Variants in NCOR2 observed in about 807,000 individuals in gnomAD.
The protein encoded by NCOR2 is nuclear receptor corepressor 2, also known as CTG repeat protein 26.
Under a neutral mutation model 262.9 loss-of-function variants are expected in NCOR2, and 81 were observed. The ratio of observed to expected loss-of-function variants is 0.31; its 90% CI spans 0.26 to 0.37. The LOEUF (loss-of-function observed/expected upper bound fraction) is 0.37, where lower values mean the gene tolerates loss of function less well. Among genes scored for constraint, NCOR2 ranks in the 10% least tolerant of loss-of-function variants. The pLI, the probability that NCOR2 is intolerant of heterozygous loss-of-function variation, is 1.00. For synonymous variants in NCOR2, 1,659 were observed against 1,559.3 expected, an observed-to-expected ratio of 1.06 and a Z score of -1.51; for missense variants, 3,385 against 3,621.4, an observed-to-expected ratio of 0.93 and a Z score of 1.68.
intron 1 of NCOR2, among the ~76,000 whole-genome samples, chr12:124,555,235 C>G (rs2051844493): frequency 6.6e-6 from 1 of 152,202 alleles, no homozygotes; most frequent in East Asian, 1.9e-4. Flanking sequence ...CCTACCAGCT[C>G]AGGGCCCTCT....
Position 124,523,577 on chromosome 12 carries a change from A to G in NCOR2, c.-118+11988T>C, listed in dbSNP as rs1395992563. The stretch of plus-strand genomic sequence containing the variant: ...TCCAGTCTTTTGGCTTCACTGGGCC[A>G]CACTAAAAGAACTGTCTCGGATCAC... On this transcript the variant is annotated intron_variant, in intron 1 of 46. Transcript: ENST00000404621. The surrounding 1 kb of genome is among the most constrained non-coding windows in gnomAD (Gnocchi z 4.0). Among the ~76,000 whole-genome samples, 1 of 151,816 alleles carries G rather than the reference A, an allele frequency of 6.6e-6. No individual in the cohort carries two copies. Among genetic ancestry groups the G allele is most frequent in the Non-Finnish European group, 1.5e-5 (1 of 67,972 alleles).
chr12:124,426,323 T>A (rs181339424), intron 11 of NCOR2, among the ~76,000 whole-genome samples: 1 of 152,328 alleles, frequency 6.6e-6, no homozygotes, highest in East Asian at 1.9e-4. Context: ...AAAGGTCATG[T>A]GGGGTCGAAG....
chr12:124,337,820 C>T (rs971756648), intron 37 of NCOR2, among the ~76,000 whole-genome samples: 4 of 152,194 alleles, frequency 2.6e-5, no homozygotes, highest in South Asian at 2.1e-4. Flanking sequence ...GAACAGGAGC[C>T]GGCTGCTCCA....
intron 22 of NCOR2, among the ~76,000 whole-genome samples, chr12:124,360,168 G>A (rs2038427712): frequency 6.6e-6 from 1 of 152,232 alleles, no homozygotes; most frequent in Non-Finnish European, 1.5e-5. Flanking sequence ...TGGGGCCCCT[G>A]ACATGGATAC....
intron 16 of NCOR2, among the ~76,000 whole-genome samples, chr12:124,395,966 T>C (rs1182767214): frequency 7.2e-5 from 11 of 152,140 alleles, no homozygotes; most frequent in Non-Finnish European, 1.6e-4. Context: ...CCCCAAGAGA[T>C]GAACGACCGA....
At chr12:124,433,030 C>A (rs1443745320) in intron 8 of NCOR2, among the ~76,000 whole-genome samples, 1 of 152,148 alleles carries the variant, frequency 6.6e-6, no homozygotes, top group East Asian at 1.9e-4. Flanking sequence ...GGTCCTGGAG[C>A]CCAGACACCT....
Position 124,428,086 on chromosome 12 carries a change from T to TGTGTGTGTGTGTGTGTGTGTGC in NCOR2, c.1150-1287_1150-1286insGCACACACACACACACACACAC, listed in dbSNP as rs958627720. Among the ~76,000 whole-genome samples the TGTGTGTGTGTGTGTGTGTGTGC allele has an allele frequency of 3.8e-3, 557 of 147,154 alleles. 20 individuals are homozygous for TGTGTGTGTGTGTGTGTGTGTGC. Among genetic ancestry groups the TGTGTGTGTGTGTGTGTGTGTGC allele is most frequent in the Non-Finnish European group, 6.0e-3 (400 of 66,306 alleles). On this transcript the variant is annotated intron_variant, in intron 10 of 46. Coordinates refer to ENST00000405201, the Ensembl canonical transcript of NCOR2. The stretch of plus-strand genomic sequence containing the variant: ...GTGTGTGTGTGTGTGTGTGTGTGTG[T>TGTGTGTGTGTGTGTGTGTGTGC]GTACATGCAACAATCAGCCCAGGTG...
At chr12:124,563,918 G>A (rs1490395066) in intron 1 of NCOR2, among the ~76,000 whole-genome samples, 2 of 152,222 alleles carry the variant, frequency 1.3e-5, no homozygotes, top group Non-Finnish European at 2.9e-5. Flanking sequence ...ACACGACCGT[G>A]AATAATCCCA....
chr12:124,457,115 C>G lies in NCOR2; in HGVS notation c.753G>C (p.Gln251His). 1 of 1,529,674 alleles carries G rather than the reference C, an allele frequency of 6.5e-7. No homozygotes were observed. Among genetic ancestry groups the G allele is most frequent in the African/African-American group, 1.5e-5 (1 of 68,344 alleles). The allele number at this position is 1,529,674 out of a possible 1,614,324, so 94.8% of individuals were successfully genotyped here. ...CTGTACCCCAGCTCACCAGCTCCACCTGGGGCCCCAGGCCTTCCAGAATCC... is the reference window on the plus strand; with the variant it reads ...CTGTACCCCAGCTCACCAGCTCCACGTGGGGCCCCAGGCCTTCCAGAATCC... Residue 251 changes from glutamine (Q) to histidine (H), a missense_variant, in exon 6 of 47, where the codon CAG becomes CAC. Transcript: ENST00000405201. This position sits in a 1 kb window ranked among gnomAD's most constrained non-coding sequence, Gnocchi z 4.0.
intron 16 of NCOR2, among the ~76,000 whole-genome samples, chr12:124,391,788 A>C (rs1176684587): frequency 6.6e-6 from 1 of 152,268 alleles, no homozygotes; most frequent in Non-Finnish European, 1.5e-5. Context: ...CTCTCAAAAA[A>C]ACCCAGACTC....
chr12:124,325,392 C>CCCGG, exon 47 of NCOR2: 3 of 1,152,258 alleles, frequency 2.6e-6, no homozygotes, highest in Non-Finnish European at 2.2e-6. Context: ...CCCCCCCGCC[C>CCCGG]TGTTCTGAGT....
intron 20 of NCOR2, among the ~76,000 whole-genome samples, chr12:124,368,475 G>A (rs2039215815): frequency 6.6e-6 from 1 of 152,124 alleles, no homozygotes; most frequent in Non-Finnish European, 1.5e-5. Context: ...GCCTCTCCAA[G>A]GCCCCAAGAT....
chr12:124,355,660 CTG>C, intron 23 of NCOR2, 89 bp from the exon 26 acceptor site: 2 of 1,444,772 alleles, frequency 1.4e-6, no homozygotes, highest in South Asian at 2.9e-5. Context: ...CACCTCTTCC[CTG>C]TCCTGGCCAG....
At chr12:124,563,555 C>T (rs1021749563) in intron 1 of NCOR2, among the ~76,000 whole-genome samples, 3 of 152,252 alleles carry the variant, frequency 2.0e-5, no homozygotes, top group African/African-American at 7.2e-5. Flanking sequence ...ACACAGTACC[C>T]GAGGGCAACG....
chr12:124,553,067 G>A (rs1566054310), intron 1 of NCOR2, among the ~76,000 whole-genome samples: 2 of 152,308 alleles, frequency 1.3e-5, no homozygotes, highest in Non-Finnish European at 2.9e-5. Context: ...GTGTCGGTAG[G>A]CTGCATCCAG....
intron 18 of NCOR2, among the ~76,000 whole-genome samples, chr12:124,375,937 G>A (rs560870028): frequency 6.6e-6 from 1 of 152,166 alleles, no homozygotes; most frequent in African/African-American, 2.4e-5. Context: ...GATTCAGGCA[G>A]GGCAACCTCA....
intron 38 of NCOR2, chr12:124,335,889 C>T: frequency 2.0e-6 from 1 of 500,778 alleles, no homozygotes; most frequent in African/African-American, 1.9e-5. Flanking sequence ...AGAGATTAGG[C>T]AAGAAGGGAC....
chr12:124,457,445 G>A lies in NCOR2; in HGVS notation c.706-283C>T, dbSNP rs2045939917. 6.6e-6 allele frequency among the ~76,000 whole-genome samples: 1 copy of A among 152,138 alleles called. No homozygotes were observed. ...AGCCTGCTCCCCGGCAGGCGCGCAG[G>A]CCTCGCTCCCCCAGGGCCCAGCGAC... On this transcript the variant is annotated intron_variant, in intron 5 of 46. Coordinates refer to ENST00000405201, the Ensembl canonical transcript of NCOR2. The surrounding 1 kb of genome is among the most constrained non-coding windows in gnomAD (Gnocchi z 4.0).
At chr12:124,433,186 G>A (rs961725603) in intron 8 of NCOR2, among the ~76,000 whole-genome samples, 4 of 152,232 alleles carry the variant, frequency 2.6e-5, no homozygotes, top group African/African-American at 7.2e-5. Context: ...CATGCAGGCT[G>A]TGCCAGGAAC....
Sources: allele counts gnomAD v4.1 joint callset (sites outside exome capture counted in the v4.1 genomes callset), GRCh38; gene constraint gnomAD v4.1.1; non-coding constraint Gnocchi (gnomAD v3.1); transcripts MANE v1.5; gene names NCBI Gene and HGNC (gene_info 2026-07-23, HGNC 2026-07-21).